The following ARL15 variants were observed in gnomAD, a reference collection of about 807,000 sequenced individuals.
ARL15 encodes ARF like GTPase 15, also known as ADP-ribosylation factor-like protein 15.
A neutral mutation model predicts 25.2 loss-of-function variants in ARL15; 19 were observed. The ratio of observed to expected loss-of-function variants is 0.75; its 90% confidence interval spans 0.53 to 1.10. ARL15 has a LOEUF of 1.10. Among genes scored for constraint, ARL15 ranks in the 50% least tolerant of loss-of-function variants. The pLI is 0.00. For synonymous variants in ARL15, 94 were observed against 86.8 expected (o/e 1.08, Z -0.46); for missense variants, 220 against 246.0 (o/e 0.89, Z 0.71).
At chr5:54,136,185 A>G (rs1021714437) in intron 3 of ARL15, among the ~76,000 whole-genome samples, 1 of 152,218 alleles carries the variant, frequency 6.6e-6, no homozygotes, top group Non-Finnish European at 1.5e-5. Flanking sequence ...CTCATTTAGT[A>G]CAATTTTATC....
At chr5:54,150,518 G>A (rs1251411914) in intron 3 of ARL15, among the ~76,000 whole-genome samples, 2 of 152,170 alleles carry the variant, frequency 1.3e-5, no homozygotes, top group African/African-American at 4.8e-5. Flanking sequence ...TGGTATTTTA[G>A]GGATGGGCGC....
intron 4 of ARL15, among the ~76,000 whole-genome samples, chr5:54,035,715 T>A (rs905134273): frequency 6.6e-6 from 1 of 152,206 alleles, no homozygotes; most frequent in Non-Finnish European, 1.5e-5. Flanking sequence ...CAATGCAGTG[T>A]CTATTTCCAA....
intron 4 of ARL15, among the ~76,000 whole-genome samples, chr5:54,111,256 G>A (rs1752730913): frequency 6.6e-6 from 1 of 151,976 alleles, no homozygotes; most frequent in Non-Finnish European, 1.5e-5. Flanking sequence ...GAAACTCAAA[G>A]CCACATATGC....
chr5:54,201,698 C>G (rs965654481), intron 1 of ARL15, among the ~76,000 whole-genome samples: 2 of 152,118 alleles, frequency 1.3e-5, no homozygotes, highest in Non-Finnish European at 2.9e-5. Flanking sequence ...AAATTGAACT[C>G]AATCTTTCCT....
chr5:54,133,078 G>A (rs1753486032), intron 3 of ARL15, among the ~76,000 whole-genome samples: 1 of 152,168 alleles, frequency 6.6e-6, no homozygotes, highest in Non-Finnish European at 1.5e-5. Flanking sequence ...GCCTTACGAT[G>A]TTTTAATCCT....
chr5:54,049,854 G>A (rs1190594136), intron 4 of ARL15, among the ~76,000 whole-genome samples: 2 of 152,090 alleles, frequency 1.3e-5, no homozygotes, highest in African/African-American at 4.8e-5. Flanking sequence ...TTACAGGCAT[G>A]AGCCACGACT....
rs1561220828 is a variant in ARL15, at chr5:54,092,074, C to CACACACT, written c.462+21127_462+21128insAGTGTGT. Among the ~76,000 whole-genome samples the CACACACT allele has an allele frequency of 1.8e-3, 171 of 95,970 alleles. 2 individuals carry two copies. The highest frequency in any genetic ancestry group is 6.0e-3 in the African/African-American group (162 of 27,046). The allele number at this position is 95,970 out of a possible 152,430, so 63.0% of individuals were successfully genotyped here. ...CACACACACACACACACACACACAC[C>CACACACT]ACCACCACCACCACCATCACCAGGA... On this transcript the variant is annotated intron_variant, in intron 4 of 4. Coordinates refer to ENST00000504924, the MANE Select transcript of ARL15 (RefSeq NM_019087.3).
At chr5:54,283,109 T>C (rs755232749) in intron 1 of ARL15, among the ~76,000 whole-genome samples, 2 of 152,224 alleles carry the variant, frequency 1.3e-5, no homozygotes, top group African/African-American at 4.8e-5. Context: ...ATGTCATAAA[T>C]CTCAGCAATC....
At chr5:54,045,577 A>C (rs753854389) in intron 4 of ARL15, among the ~76,000 whole-genome samples, 2 of 149,418 alleles carry the variant, frequency 1.3e-5, no homozygotes, top group African/African-American at 5.0e-5. Context: ...CTTAGAGCAA[A>C]CAAGTTAGAA....
At chr5:53,996,640 A>AG (rs1748683979) in intron 4 of ARL15, among the ~76,000 whole-genome samples, 2 of 148,282 alleles carry the variant, frequency 1.3e-5, no homozygotes, top group African/African-American at 5.0e-5. Flanking sequence ...AAAAAAAAAA[A>AG]AGAGAACACC....
At chr5:54,121,602 C>T (rs1753077769) in intron 3 of ARL15, among the ~76,000 whole-genome samples, 1 of 152,096 alleles carries the variant, frequency 6.6e-6, no homozygotes, top group African/African-American at 2.4e-5. Context: ...TCCAAAGCTT[C>T]TAATTTTTTT....
At chr5:54,283,780 T>C (rs1758118872) in intron 1 of ARL15, among the ~76,000 whole-genome samples, 1 of 152,218 alleles carries the variant, frequency 6.6e-6, no homozygotes, top group African/African-American at 2.4e-5. Flanking sequence ...TTATGCCACC[T>C]GGAATAAAAG....
At chr5:54,171,474 T>C (rs948849340) in intron 2 of ARL15, among the ~76,000 whole-genome samples, 2 of 152,276 alleles carry the variant, frequency 1.3e-5, no homozygotes, top group East Asian at 3.9e-4. Context: ...AAGTACTCTA[T>C]GGGCCCAAGA....
intron 1 of ARL15, among the ~76,000 whole-genome samples, chr5:54,192,110 C>T (rs1232160425): frequency 6.6e-6 from 1 of 152,120 alleles, no homozygotes; most frequent in Non-Finnish European, 1.5e-5. Context: ...ACTTGCCATT[C>T]CCTCTGCTTA....
intron 1 of ARL15, among the ~76,000 whole-genome samples, chr5:54,290,699 T>C (rs1161169465): frequency 6.6e-6 from 1 of 152,232 alleles, no homozygotes; most frequent in African/African-American, 2.4e-5. Flanking sequence ...CATTAGGCAC[T>C]TGGAAGCAAA....
At chr5:54,086,132 T>G (rs1346963727) in intron 4 of ARL15, among the ~76,000 whole-genome samples, 1 of 152,122 alleles carries the variant, frequency 6.6e-6, no homozygotes, top group Non-Finnish European at 1.5e-5. Context: ...CAGAGTGGTC[T>G]CGACCTCCCG....
At chr5:53,977,520 C>T (rs1747979418) in intron 4 of ARL15, among the ~76,000 whole-genome samples, 1 of 152,152 alleles carries the variant, frequency 6.6e-6, no homozygotes, top group South Asian at 2.1e-4. Context: ...GTGTTCCCAT[C>T]AAATCTGTGT....
chr5:54,026,605 C>A (rs977810685), intron 4 of ARL15, among the ~76,000 whole-genome samples: 1 of 152,088 alleles, frequency 6.6e-6, no homozygotes, highest in African/African-American at 2.4e-5. Flanking sequence ...GTCGAACATT[C>A]AAGAGAGCCA....
chr5:54,114,406 G>GAGAAAAAAAAAAA (rs1752833228), intron 3 of ARL15, among the ~76,000 whole-genome samples: 1 of 74,474 alleles, frequency 1.3e-5, no homozygotes, highest in Non-Finnish European at 2.3e-5. Context: ...TCCATCTCAA[G>GAGAAAAAAAAAAA]AAAAAAAAAA....
Sources: allele counts gnomAD v4.1 joint callset (sites outside exome capture counted in the v4.1 genomes callset), GRCh38; gene constraint gnomAD v4.1.1; transcripts MANE v1.5; gene names NCBI Gene and HGNC (gene_info 2026-07-23, HGNC 2026-07-21).